The following HIBCH variants were observed in gnomAD, a reference collection of about 807,000 sequenced individuals.
HIBCH encodes the protein 3-hydroxyisobutyryl-CoA hydrolase.
Under a neutral mutation model 58.2 loss-of-function variants are expected in HIBCH, and 50 were observed. The observed-to-expected ratio is 0.86, with a 90% CI of 0.68 to 1.09. The LOEUF is 1.09. HIBCH is among the 50% of genes least tolerant of loss of function. HIBCH has a pLI of 0.00. For synonymous variants in HIBCH, 151 were observed against 146.9 expected, an observed-to-expected ratio of 1.03 and a Z score of -0.20; for missense variants, 450 against 449.7, an observed-to-expected ratio of 1.00 and a Z score of -0.01.
At chr2:190,310,398 G>GATA (rs1688527173) in intron 2 of HIBCH, among the ~76,000 whole-genome samples, 1 of 152,160 alleles carries the variant, frequency 6.6e-6, no homozygotes, top group Non-Finnish European at 1.5e-5. Context: ...AGAGAACACT[G>GATA]ATTAATACAA....
intron 6 of HIBCH, among the ~76,000 whole-genome samples, chr2:190,262,224 C>G (rs1687110002): frequency 6.7e-6 from 1 of 148,538 alleles, no homozygotes; most frequent in Admixed American, 6.7e-5. Context: ...GCAGTCTGTA[C>G]AAGACAGAAA....
intron 7 of HIBCH, among the ~76,000 whole-genome samples, chr2:190,257,882 C>T (rs962799338): frequency 6.6e-6 from 1 of 152,202 alleles, no homozygotes. Context: ...GTGGTACCAA[C>T]TCTCAACACT....
intron 11 of HIBCH, among the ~76,000 whole-genome samples, chr2:190,221,332 A>G (rs186399348): frequency 6.6e-6 from 1 of 152,354 alleles, no homozygotes; most frequent in African/African-American, 2.4e-5. Context: ...AAACAGGCAT[A>G]ATAATACTGC....
chr2:190,318,424 T>A (rs1411384920), intron 1 of HIBCH, among the ~76,000 whole-genome samples: 1 of 152,164 alleles, frequency 6.6e-6, no homozygotes, highest in Non-Finnish European at 1.5e-5. Context: ...TCAGAAACAC[T>A]TTCCGTGGCA....
Position 190,197,620 on chromosome 2 carries a change from C to G in HIBCH, c.*17+7480G>C, listed in dbSNP as rs1690041321. Reference sequence around the variant, plus strand: ...ACTCCCACGGTAATGCTGGGAGATACCCCCAGGTAGAATCCCACAATGACC... The same window carrying G: ...ACTCCCACGGTAATGCTGGGAGATAGCCCCAGGTAGAATCCCACAATGACC... On this transcript the variant is annotated intron_variant, in intron 1 of 1. Transcript: ENST00000399855. The surrounding 1 kb of genome is among the most constrained non-coding windows in gnomAD (Gnocchi z 4.0). 6.6e-6 allele frequency among the ~76,000 whole-genome samples: 1 copy of G among 152,158 alleles called. No individual in the cohort carries two copies. The highest frequency in any genetic ancestry group is 2.1e-4 in the South Asian group (1 of 4,826).
chr2:190,316,252 T>G (rs1559069522), intron 1 of HIBCH, among the ~76,000 whole-genome samples: 1 of 152,132 alleles, frequency 6.6e-6, no homozygotes, highest in Admixed American at 6.6e-5. Flanking sequence ...GACTCAAGCC[T>G]CCTGAACAGC....
At chr2:190,273,825 T>C (rs1687471764) in intron 6 of HIBCH, among the ~76,000 whole-genome samples, 1 of 152,156 alleles carries the variant, frequency 6.6e-6, no homozygotes. Context: ...TCATAAACTC[T>C]CAGGTTCTCT....
intron 11 of HIBCH, among the ~76,000 whole-genome samples, chr2:190,223,460 G>A (rs182948550): frequency 6.6e-6 from 1 of 152,262 alleles, no homozygotes; most frequent in East Asian, 1.9e-4. Context: ...ATAAGTGGTA[G>A]TCACTCAAAT....
chr2:190,212,154 G>A (rs961537774), intron 12 of HIBCH, among the ~76,000 whole-genome samples: 2 of 152,156 alleles, frequency 1.3e-5, no homozygotes, highest in Admixed American at 6.6e-5. Context: ...AGTGCCTAGC[G>A]TAGTACCTGC....
At chr2:190,227,048 T>C (rs1208764041) in intron 11 of HIBCH, among the ~76,000 whole-genome samples, 1 of 152,154 alleles carries the variant, frequency 6.6e-6, no homozygotes, top group Non-Finnish European at 1.5e-5. Context: ...AAGCTACCAA[T>C]GACTTTCTTC....
chr2:190,194,477 T>TACAC (rs3083429), intron 1 of HIBCH, among the ~76,000 whole-genome samples: 5,049 of 141,384 alleles, frequency 0.036, 91 homozygotes, highest in South Asian at 0.045. Context: ...ATCCTGTGTA[T>TACAC]ACACACACAC....
chr2:190,245,297 T>C (rs949210359), intron 10 of HIBCH: 14 of 257,532 alleles, frequency 5.4e-5, no homozygotes, highest in Admixed American at 2.5e-4. Flanking sequence ...TTCCTCCTCT[T>C]GTTTCCCAAA....
intron 3 of HIBCH, among the ~76,000 whole-genome samples, chr2:190,296,140 G>A (rs1433603413): frequency 6.6e-6 from 1 of 152,152 alleles, no homozygotes; most frequent in African/African-American, 2.4e-5. Context: ...CAGCTGTCTG[G>A]CCGGGTGCGG....
chr2:190,301,564 TG>T (rs1432124600), intron 2 of HIBCH, among the ~76,000 whole-genome samples: 2 of 152,154 alleles, frequency 1.3e-5, no homozygotes, highest in African/African-American at 4.8e-5. Flanking sequence ...CTGCATGTAT[TG>T]GGGTGGTGGG....
rs1279221039 is a variant in HIBCH, at chr2:190,315,747, G to A, written c.35+3969C>T. ...GAACAGCAGATGTGGAAACAGAAGG[G>A]AGTGATATTATTAAGAGTTTTTATA... On this transcript the variant is annotated intron_variant, in intron 1 of 13. Transcript: ENST00000359678. The surrounding 1 kb of genome is among the most constrained non-coding windows in gnomAD (Gnocchi z 5.4). 6.6e-6 allele frequency among the ~76,000 whole-genome samples: 1 copy of A among 152,154 alleles called. No homozygotes were observed. The highest frequency in any genetic ancestry group is 1.9e-4 in the East Asian group (1 of 5,202).
intron 2 of HIBCH, among the ~76,000 whole-genome samples, chr2:190,308,264 A>G (rs1271923726): frequency 6.6e-6 from 1 of 152,144 alleles, no homozygotes; most frequent in Non-Finnish European, 1.5e-5. Flanking sequence ...TGAGTCACTG[A>G]CACTGCTCCT....
intron 11 of HIBCH, among the ~76,000 whole-genome samples, chr2:190,218,225 T>C (rs1203041847): frequency 6.6e-6 from 1 of 152,000 alleles, no homozygotes; most frequent in African/African-American, 2.4e-5. Flanking sequence ...CAAAAAAATC[T>C]CTGTGCTAGC....
In HIBCH at chr2:190,205,025, G is replaced by C. The variant is rs114799177; in HGVS notation, c.*92C>G. ...ATGCGGAAACCATTCTTAGCTTACAGGGTATATAAAAACAGGCAGCAGGCT... is the reference window on the plus strand; with the variant it reads ...ATGCGGAAACCATTCTTAGCTTACACGGTATATAAAAACAGGCAGCAGGCT... On this transcript the variant is annotated 3_prime_UTR_variant, in exon 14 of 14. Transcript: ENST00000359678. 3.2e-3 allele frequency: 2,347 copies of C among 726,598 alleles called. 32 individuals carry two copies. The African/African-American group carries it at 0.036, about 11-fold the overall frequency. 45.0% of individuals were successfully genotyped at this position (726,598 alleles called of 1,614,324 possible). A position where few individuals can be genotyped will look rare whatever the true frequency, so the allele number is the denominator to read the frequency against.
chr2:190,229,776 G>C (rs553701979), intron 11 of HIBCH, among the ~76,000 whole-genome samples: 4 of 151,182 alleles, frequency 2.6e-5, no homozygotes, highest in Non-Finnish European at 4.4e-5. Flanking sequence ...TTCTACAAGG[G>C]CAAATAGTGC....
Sources: gnomAD v4.1 joint callset for allele counts (sites outside exome capture counted in the v4.1 genomes callset) on GRCh38, gnomAD v4.1.1 for gene constraint, Gnocchi (gnomAD v3.1) non-coding constraint, MANE v1.5 for transcripts, NCBI Gene and HGNC (gene_info 2026-07-23, HGNC 2026-07-21) for gene names.